The following MALRD1 variants were observed in gnomAD, a reference collection of about 807,000 sequenced individuals.
The protein encoded by MALRD1 is MAM and LDL-receptor class A domain-containing protein 1.
In MALRD1, 247 loss-of-function variants were observed where a neutral mutation model predicts 242.1. The observed-to-expected ratio is 1.02, with a 90% CI of 0.92 to 1.13. The LOEUF (loss-of-function observed/expected upper bound fraction) is 1.13, where lower values mean the gene tolerates loss of function less well. MALRD1 is among the 50% of genes most tolerant of loss of function. MALRD1 has a pLI of 0.00. For missense variants in MALRD1, 2,989 were observed against 2,533.1 expected (o/e 1.18, Z -3.86); for synonymous variants, 995 against 866.6 (o/e 1.15, Z -2.60).
At chr10:19,430,424 T>A (rs990139303) in intron 28 of MALRD1, among the ~76,000 whole-genome samples, 3 of 152,008 alleles carry the variant, frequency 2.0e-5, no homozygotes, top group Non-Finnish European at 4.4e-5. Flanking sequence ...CCTCCTCATT[T>A]TCTTTATGCT....
intron 8 of MALRD1, among the ~76,000 whole-genome samples, chr10:19,130,864 A>T (rs1833074156): frequency 6.6e-6 from 1 of 152,194 alleles, no homozygotes; most frequent in African/African-American, 2.4e-5. Context: ...TCATATAAAA[A>T]TGACGTTAGA....
chr10:19,571,173 A>G (rs979726052), intron 33 of MALRD1, among the ~76,000 whole-genome samples: 4 of 152,158 alleles, frequency 2.6e-5, no homozygotes, highest in Non-Finnish European at 5.9e-5. Flanking sequence ...GTTAAGGAAC[A>G]TCAGGCAGAA....
intron 2 of MALRD1, among the ~76,000 whole-genome samples, chr10:19,083,058 G>A (rs753678673): frequency 1.3e-5 from 2 of 151,960 alleles, no homozygotes; most frequent in Admixed American, 6.6e-5. Flanking sequence ...TTATAAAGGA[G>A]TTAAATCCAT....
At chr10:19,675,372 A>C (rs1390359878) in intron 36 of MALRD1, among the ~76,000 whole-genome samples, 1 of 152,142 alleles carries the variant, frequency 6.6e-6, no homozygotes, top group Non-Finnish European at 1.5e-5. Context: ...ACTACTTACA[A>C]AGCCATTGCT....
chr10:19,688,779 AG>A (rs1443489795), intron 36 of MALRD1, among the ~76,000 whole-genome samples: 5 of 152,246 alleles, frequency 3.3e-5, no homozygotes, highest in Non-Finnish European at 5.9e-5. Context: ...GCGTGCCATT[AG>A]AAGGGTTGGA....
chr10:19,595,393 A>G lies in MALRD1; in HGVS notation c.5880A>G (p.Ile1960Met). The change falls in exon 34 of 40, where the codon ATA becomes ATG. Residue 1960 changes from isoleucine to methionine, a missense_variant. By Grantham distance (10) the Ile-to-Met change is conservative. Transcript: ENST00000454679. ...MEFPCSTDECIPSLLLCDGVP... is the reference protein window; with the variant it reads ...MEFPCSTDECMPSLLLCDGVP... ...TCCCGTGCTCTACAGACGAGTGTAT[A>G]CCTTCCCTCCTGCTATGCGATGGAG... 2 of 1,550,388 alleles carry G rather than the reference A, an allele frequency of 1.3e-6. No homozygotes were observed. Among genetic ancestry groups the G allele is most frequent in the Non-Finnish European group, 1.7e-6 (2 of 1,146,876 alleles).
rs921342009 is a variant in MALRD1, at chr10:19,178,575, C to T, written c.1951+3247C>T. 3.3e-5 allele frequency among the ~76,000 whole-genome samples: 5 copies of T among 152,282 alleles called. No individual in the cohort carries two copies. The South Asian group carries it at 6.2e-4, about 19-fold the overall frequency. ...GAGCTGTAGTTTTCTGCTCACAGTCCGCGTGATGAAAATCGCAAGTGCTAC... is the reference window on the plus strand; with the variant it reads ...GAGCTGTAGTTTTCTGCTCACAGTCTGCGTGATGAAAATCGCAAGTGCTAC... On this transcript the variant is annotated intron_variant, in intron 14 of 39. Coordinates refer to ENST00000454679, the MANE Select transcript of MALRD1 (RefSeq NM_001142308.3).
At chr10:19,689,445 A>G (rs1842732506) in intron 36 of MALRD1, among the ~76,000 whole-genome samples, 1 of 152,174 alleles carries the variant, frequency 6.6e-6, no homozygotes. Flanking sequence ...TACAAGGAAA[A>G]TTTTCTTCAC....
rs996419292 is a variant in MALRD1, at chr10:19,094,653, A to C, written c.597+6468A>C. Among the ~76,000 whole-genome samples the C allele has an allele frequency of 2.0e-5, 3 of 152,176 alleles. No homozygotes were observed. The East Asian group carries it at 5.8e-4, about 29-fold the overall frequency. On this transcript the variant is annotated intron_variant, in intron 4 of 39. Transcript: ENST00000454679. ...TTTCCTTTCATTTCTTTTTCCTTCC[A>C]GACTTTTCTCATGCTTTTGAGAAAA...
intron 19 of MALRD1, among the ~76,000 whole-genome samples, chr10:19,274,542 C>A (rs1467220688): frequency 6.6e-6 from 1 of 152,116 alleles, no homozygotes; most frequent in Non-Finnish European, 1.5e-5. Flanking sequence ...CATCAGCAAA[C>A]CAGGAAGTGG....
At chr10:19,389,957 T>A (rs879621918) in intron 28 of MALRD1, among the ~76,000 whole-genome samples, 1 of 152,154 alleles carries the variant, frequency 6.6e-6, no homozygotes, top group Non-Finnish European at 1.5e-5. Flanking sequence ...CCACCACACC[T>A]GGCCCCTCTC....
intron 18 of MALRD1, among the ~76,000 whole-genome samples, chr10:19,229,865 A>G (rs1837973018): frequency 6.6e-6 from 1 of 152,120 alleles, no homozygotes; most frequent in African/African-American, 2.4e-5. Flanking sequence ...TTTAATTGAA[A>G]GTTATTACTG....
intron 7 of MALRD1, among the ~76,000 whole-genome samples, chr10:19,128,003 T>C (rs1837335836): frequency 6.6e-6 from 1 of 152,206 alleles, no homozygotes; most frequent in East Asian, 1.9e-4. Flanking sequence ...ATTTTGATTA[T>C]AGAAATTAGG....
intron 28 of MALRD1, among the ~76,000 whole-genome samples, chr10:19,425,234 T>C (rs1347266761): frequency 6.6e-6 from 1 of 152,206 alleles, no homozygotes; most frequent in Non-Finnish European, 1.5e-5. Flanking sequence ...CGTCTTTTCC[T>C]TATTAGCCTT....
rs142432769 is a variant in MALRD1, at chr10:19,060,185, A to T, written c.200-6534A>T. ...TGTGCATGTGCTTGTGTGTGTACCC[A>T]CCAGTATCCACCGATGTTTCTGGTG... On this transcript the variant is annotated intron_variant, in intron 1 of 39. Transcript: ENST00000454679. Among the ~76,000 whole-genome samples, 66 of 152,132 alleles carry T rather than the reference A, an allele frequency of 4.3e-4. No individual in the cohort carries two copies. The East Asian group carries it at 0.012, about 27-fold the overall frequency.
intron 38 of MALRD1, among the ~76,000 whole-genome samples, chr10:19,706,793 C>T (rs774900493): frequency 3.3e-5 from 5 of 152,120 alleles, no homozygotes; most frequent in Admixed American, 2.0e-4. Context: ...CATTAATGGG[C>T]TCCCTGTCAT....
chr10:19,117,379 G>C (rs1836908305), intron 5 of MALRD1, among the ~76,000 whole-genome samples: 1 of 151,772 alleles, frequency 6.6e-6, no homozygotes. Context: ...TTTGACAAGA[G>C]CTACGTTTTT....
chr10:19,609,627 G>A (rs1206321818), intron 35 of MALRD1, among the ~76,000 whole-genome samples: 1 of 151,946 alleles, frequency 6.6e-6, no homozygotes, highest in East Asian at 1.9e-4. Context: ...ATTAATCTCC[G>A]GCACTGTATA....
At chr10:19,342,056 G>A (rs557816418) in intron 24 of MALRD1, among the ~76,000 whole-genome samples, 1 of 152,030 alleles carries the variant, frequency 6.6e-6, no homozygotes, top group East Asian at 1.9e-4. Context: ...AGGGACTGTG[G>A]TTTGAAGGTA....
Sources: gnomAD v4.1 joint callset for allele counts (sites outside exome capture counted in the v4.1 genomes callset) on GRCh38, gnomAD v4.1.1 for gene constraint, MANE v1.5 for transcripts, NCBI Gene and HGNC (gene_info 2026-07-23, HGNC 2026-07-21) for gene names.